Variants in ABLIM2 observed in about 807,000 individuals in gnomAD.
ABLIM2 encodes the protein actin-binding LIM protein 2.
In ABLIM2, 53 loss-of-function variants were observed where a neutral mutation model predicts 97.7. That is an observed-to-expected ratio of 0.54 (90% confidence interval 0.44 to 0.68). The LOEUF is 0.68. Ranked by LOEUF, ABLIM2 falls within the 30% of genes least tolerant of loss-of-function variation. ABLIM2 has a pLI of 0.00. For synonymous variants in ABLIM2, 361 were observed against 345.8 expected, an observed-to-expected ratio of 1.04 and a Z score of -0.49; for missense variants, 835 against 867.2, an observed-to-expected ratio of 0.96 and a Z score of 0.47.
chr4:8,005,686 C>T lies in ABLIM2; in HGVS notation c.1618+2373G>A, dbSNP rs182270656. 1.1e-3 allele frequency among the ~76,000 whole-genome samples: 160 copies of T among 152,332 alleles called. 1 individual carries two copies. Among genetic ancestry groups the T allele is most frequent in the African/African-American group, 3.7e-3 (153 of 41,574 alleles). ...CAGTCTGGGTCCTCGCTGCCATTTCCATGCAAATCGGGAAACAAGGCAATG... is the reference window on the plus strand; with the variant it reads ...CAGTCTGGGTCCTCGCTGCCATTTCTATGCAAATCGGGAAACAAGGCAATG... On this transcript the variant is annotated intron_variant, in intron 16 of 20. Transcript: ENST00000447017. This position sits in a 1 kb window ranked among gnomAD's most constrained non-coding sequence, Gnocchi z 4.9.
intron 11 of ABLIM2, among the ~76,000 whole-genome samples, chr4:8,028,838 T>C (rs1192990366): frequency 1.3e-5 from 2 of 152,042 alleles, no homozygotes; most frequent in African/African-American, 4.8e-5. Flanking sequence ...TTGCAAGGAG[T>C]CAATGGAAAT....
At chr4:8,119,132 TC>T (rs1306125461) in intron 1 of ABLIM2, among the ~76,000 whole-genome samples, 1 of 151,986 alleles carries the variant, frequency 6.6e-6, no homozygotes, top group Non-Finnish European at 1.5e-5. Context: ...CCTCAGGCTG[TC>T]CCAGGACACT....
At chr4:7,976,875 A>G (rs1560356633) in intron 20 of ABLIM2, among the ~76,000 whole-genome samples, 1 of 142,302 alleles carries the variant, frequency 7.0e-6, no homozygotes, top group African/African-American at 2.5e-5. Context: ...ACATACATAA[A>G]CATACACACA....
At chr4:8,145,916 G>T (rs1258140544) in intron 1 of ABLIM2, among the ~76,000 whole-genome samples, 1 of 151,984 alleles carries the variant, frequency 6.6e-6, no homozygotes, top group Non-Finnish European at 1.5e-5. Context: ...GCTGACAGCT[G>T]CTTCCTAATG....
rs372158034 is a variant in ABLIM2 at position 8,087,928 on chromosome 4, G to A, written c.454+241C>T. 6.6e-5 allele frequency among the ~76,000 whole-genome samples: 10 copies of A among 151,744 alleles called. No homozygotes were observed. Among genetic ancestry groups the A allele is most frequent in the Non-Finnish European group, 1.2e-4 (8 of 67,936 alleles). On this transcript the variant is annotated intron_variant, in intron 4 of 20. Coordinates refer to ENST00000447017, the MANE Select transcript of ABLIM2 (RefSeq NM_001130083.2). The surrounding 1 kb of genome is among the most constrained non-coding windows in gnomAD (Gnocchi z 4.6). The stretch of plus-strand genomic sequence containing the variant: ...GCAGCTGCTGCTGCTCTGGGTCCCC[G>A]TTTCTCAGGCTCTGTCCCTGGGCAC...
At position 8,032,565 on chromosome 4, in the gene ABLIM2, C is replaced by T. The variant is rs185725558; in HGVS notation, c.1048-2789G>A. 490 of 1,580,366 alleles carry T rather than the reference C, an allele frequency of 3.1e-4. 1 individual carries two copies. Among genetic ancestry groups the T allele is most frequent in the Non-Finnish European group, 3.7e-4 (422 of 1,154,436 alleles). Reference sequence around the variant, plus strand: ...GAAGAGCCACCGAGGAGGCCCTTCCCGGGAGTGCGGCTGGGTGGTTATGTT... The same window carrying T: ...GAAGAGCCACCGAGGAGGCCCTTCCTGGGAGTGCGGCTGGGTGGTTATGTT... On this transcript the variant is annotated intron_variant, in intron 10 of 20. Transcript: ENST00000447017. The surrounding 1 kb of genome is among the most constrained non-coding windows in gnomAD (Gnocchi z 4.3).
rs532440570 is a variant in ABLIM2 at position 8,155,285 on chromosome 4, T to C, written c.10+3395A>G. Among the ~76,000 whole-genome samples the C allele has an allele frequency of 6.6e-6, 1 of 152,350 alleles. No individual in the cohort carries two copies. Among genetic ancestry groups the C allele is most frequent in the East Asian group, 1.9e-4 (1 of 5,186 alleles). ...GATGAATGTTTCTGTGGCTACATCATTGCCCATTCTTGGATTAGGTGAAGA... is the reference window on the plus strand; with the variant it reads ...GATGAATGTTTCTGTGGCTACATCACTGCCCATTCTTGGATTAGGTGAAGA... On this transcript the variant is annotated intron_variant, in intron 1 of 20. Transcript: ENST00000447017. This position sits in a 1 kb window ranked among gnomAD's most constrained non-coding sequence, Gnocchi z 4.2.
Position 7,965,779 on chromosome 4 carries a change from C to CATCTCCATCCT in ABLIM2, c.*1200_*1210dup, listed in dbSNP as rs34296042. 4 of 152,164 alleles carry CATCTCCATCCT rather than the reference C, an allele frequency of 2.6e-5. No individual in the cohort carries two copies. The highest frequency in any genetic ancestry group is 4.1e-4 in the South Asian group (2 of 4,822). 9.4% of individuals were successfully genotyped at this position (152,164 alleles called of 1,614,324 possible). A position where few individuals can be genotyped will look rare whatever the true frequency, so the allele number is the denominator to read the frequency against. ...CTGGCTTCAAAGATGAGAAGAGCCA[C>CATCTCCATCCT]ATCTCCATCCTATCTCCATCCTATC... On this transcript the variant is annotated 3_prime_UTR_variant, in exon 21 of 21. Transcript: ENST00000447017.
At chr4:7,972,082 G>T (rs559872389) in intron 20 of ABLIM2, among the ~76,000 whole-genome samples, 1 of 152,316 alleles carries the variant, frequency 6.6e-6, no homozygotes, top group East Asian at 1.9e-4. Context: ...GGAGGTCCCT[G>T]CAGGACCTAC....
chr4:8,051,134 G>T (rs13108653), intron 8 of ABLIM2, among the ~76,000 whole-genome samples: 1 of 152,204 alleles, frequency 6.6e-6, no homozygotes, highest in Non-Finnish European at 1.5e-5. Context: ...CCACAGTAGG[G>T]GTCAGAACCC....
At chr4:8,105,146 T>C (rs1463137697) in intron 2 of ABLIM2, among the ~76,000 whole-genome samples, 2 of 152,134 alleles carry the variant, frequency 1.3e-5, no homozygotes, top group African/African-American at 4.8e-5. Context: ...GTCGGGAGGA[T>C]TCCCTTCTGT....
At chr4:8,024,995 T>C (rs1215905827) in intron 12 of ABLIM2, among the ~76,000 whole-genome samples, 1 of 152,124 alleles carries the variant, frequency 6.6e-6, no homozygotes, top group Non-Finnish European at 1.5e-5. Flanking sequence ...AGTGGCTCAG[T>C]CTCAGCTCAC....
intron 7 of ABLIM2, among the ~76,000 whole-genome samples, chr4:8,057,107 T>C (rs977403027): frequency 6.0e-5 from 9 of 149,432 alleles, no homozygotes; most frequent in African/African-American, 2.2e-4. Flanking sequence ...TCTTTTTTTT[T>C]TTTTTTTTTA....
In ABLIM2 at chr4:8,043,778, T is replaced by C. The variant is rs1790282455; in HGVS notation, c.900+1386A>G. Among the ~76,000 whole-genome samples, 1 of 152,210 alleles carries C rather than the reference T, an allele frequency of 6.6e-6. No homozygotes were observed. The highest frequency in any genetic ancestry group is 6.5e-5 in the Admixed American group (1 of 15,286). ...GGTAACAGTAACGGCAGCAAGCGTT[T>C]CCCACAGCCTTCTTCTGGGCAGGCG... On this transcript the variant is annotated intron_variant, in intron 9 of 20. Transcript: ENST00000447017. The surrounding 1 kb of genome is among the most constrained non-coding windows in gnomAD (Gnocchi z 4.8).
chr4:8,045,068 G>A, intron 9 of ABLIM2, 96 bp downstream of exon 9: 15 of 1,121,418 alleles, frequency 1.3e-5, no homozygotes, highest in Non-Finnish European at 1.9e-5. Flanking sequence ...ATAGTTCTCG[G>A]AAAACTCTCT....
Position 8,127,492 on chromosome 4 carries a change from G to T in ABLIM2, c.11-20855C>A. 1.6e-6 allele frequency: 2 copies of T among 1,289,452 alleles called. No homozygotes were observed. The highest frequency in any genetic ancestry group is 2.0e-6 in the Non-Finnish European group (2 of 988,620). 79.9% of individuals were successfully genotyped at this position (1,289,452 alleles called of 1,614,324 possible). The stretch of plus-strand genomic sequence containing the variant: ...CCCAGTCCCCTGAAGCTGACTCATG[G>T]AGCTCACGGCTCCCAGCCGGATGGT... On this transcript the variant is annotated intron_variant, in intron 1 of 20. Coordinates refer to ENST00000447017, the MANE Select transcript of ABLIM2 (RefSeq NM_001130083.2). The surrounding 1 kb of genome is among the most constrained non-coding windows in gnomAD (Gnocchi z 7.3).
At position 7,966,778 on chromosome 4, in the gene ABLIM2, G is replaced by T; in HGVS notation, c.*212C>A. On this transcript the variant is annotated 3_prime_UTR_variant, in exon 21 of 21. Transcript: ENST00000447017. ...CCTGACACCAAGCCACAGCGGGGAA[G>T]GGTGGCGTGAAGCTAGCCGTCTCGG... 1.8e-6 allele frequency: 1 copy of T among 562,752 alleles called. No homozygotes were observed. Among genetic ancestry groups the T allele is most frequent in the Non-Finnish European group, 3.2e-6 (1 of 315,454 alleles). The allele number at this position is 562,752 out of a possible 1,614,324, so 34.9% of individuals were successfully genotyped here.
intron 9 of ABLIM2, chr4:8,041,201 C>T (rs944085128): frequency 6.6e-6 from 1 of 152,306 alleles, no homozygotes; most frequent in Admixed American, 6.5e-5. Context: ...CCACCAACAT[C>T]CCTTGGCAGG....
chr4:8,000,136 C>G (rs1002250295), intron 16 of ABLIM2, among the ~76,000 whole-genome samples: 2 of 152,106 alleles, frequency 1.3e-5, no homozygotes, highest in Non-Finnish European at 2.9e-5. Flanking sequence ...GTCTTGGTGT[C>G]TCCATCTGAG....
Sources: allele counts gnomAD v4.1 joint callset (sites outside exome capture counted in the v4.1 genomes callset), GRCh38; gene constraint gnomAD v4.1.1; non-coding constraint Gnocchi (gnomAD v3.1); transcripts MANE v1.5; gene names NCBI Gene and HGNC (gene_info 2026-07-23, HGNC 2026-07-21).